FGF12: variants seen among roughly 807,000 people sequenced by gnomAD.
FGF12 encodes the protein fibroblast growth factor 12.
A neutral mutation model predicts 23.6 loss-of-function variants in FGF12; 14 were observed. The ratio of observed to expected loss-of-function variants is 0.59; its 90% CI spans 0.39 to 0.93. The LOEUF (loss-of-function observed/expected upper bound fraction) is 0.93, where lower values mean the gene tolerates loss of function less well. FGF12 is among the 40% of genes least tolerant of loss of function. The pLI is 0.00. For synonymous variants in FGF12, 62 were observed against 77.3 expected, an observed-to-expected ratio of 0.80 and a Z score of 1.04; for missense variants, 175 against 217.8, an observed-to-expected ratio of 0.80 and a Z score of 1.24.
chr3:192,496,073 T>C (rs900705014), intron 2 of FGF12, among the ~76,000 whole-genome samples: 5 of 152,156 alleles, frequency 3.3e-5, no homozygotes, highest in Non-Finnish European at 5.9e-5. Context: ...AGAAACCACA[T>C]GGACTCCAAA....
chr3:192,402,210 A>C (rs7651187), intron 2 of FGF12, among the ~76,000 whole-genome samples: 7,648 of 152,256 alleles, frequency 0.05, 613 homozygotes, highest in African/African-American at 0.17. Context: ...GCAATCATTT[A>C]TGTTTATGGT....
chr3:192,427,161 T>A (rs1721712322), intron 2 of FGF12, among the ~76,000 whole-genome samples: 1 of 151,890 alleles, frequency 6.6e-6, no homozygotes, highest in African/African-American at 2.4e-5. Flanking sequence ...GGCGGGTAGA[T>A]CACGAGGTCA....
intron 2 of FGF12, among the ~76,000 whole-genome samples, chr3:192,565,811 G>C (rs1712250650): frequency 6.6e-6 from 1 of 152,344 alleles, no homozygotes; most frequent in East Asian, 1.9e-4. Context: ...ACTGGGCCGG[G>C]CATGGTGGCT....
intron 2 of FGF12, among the ~76,000 whole-genome samples, chr3:192,597,194 A>T (rs1046132842): frequency 6.6e-6 from 1 of 152,204 alleles, no homozygotes; most frequent in Non-Finnish European, 1.5e-5. Flanking sequence ...GGGCAAAAGG[A>T]TGTGCTAGGA....
chr3:192,646,860 G>A (rs567569451), intron 2 of FGF12, among the ~76,000 whole-genome samples: 10 of 152,044 alleles, frequency 6.6e-5, no homozygotes, highest in African/African-American at 1.9e-4. Context: ...TAAACTTTAC[G>A]GTATGTAAAT....
At chr3:192,580,146 T>C (rs1006037266) in intron 2 of FGF12, among the ~76,000 whole-genome samples, 4 of 152,186 alleles carry the variant, frequency 2.6e-5, no homozygotes, top group Non-Finnish European at 5.9e-5. Context: ...ACATACAACG[T>C]TGTAGCTTAC....
chr3:192,505,460 A>C (rs1419122998), intron 2 of FGF12, among the ~76,000 whole-genome samples: 2 of 152,236 alleles, frequency 1.3e-5, no homozygotes, highest in Non-Finnish European at 2.9e-5. Context: ...AGGAAACAAA[A>C]CATATTAATG....
At chr3:192,567,740 TCTTTC>T (rs1712373021) in intron 2 of FGF12, among the ~76,000 whole-genome samples, 1 of 46,812 alleles carries the variant, frequency 2.1e-5, no homozygotes. Flanking sequence ...TGTGTCTCTT[TCTTTC>T]TTTCTTTCTT....
chr3:192,622,913 A>G (rs999302748), intron 2 of FGF12, among the ~76,000 whole-genome samples: 6 of 152,188 alleles, frequency 3.9e-5, no homozygotes, highest in African/African-American at 1.4e-4. Flanking sequence ...TCCAGGGACC[A>G]CAGAACAATC....
At chr3:192,618,515 GAGTT>G (rs1322606435) in intron 2 of FGF12, among the ~76,000 whole-genome samples, 7 of 152,104 alleles carry the variant, frequency 4.6e-5, no homozygotes, top group Non-Finnish European at 7.4e-5. Context: ...AAGATGAGAA[GAGTT>G]AGTTAATGTA....
At chr3:192,231,898 T>G (rs1328851753) in intron 4 of FGF12, among the ~76,000 whole-genome samples, 2 of 152,172 alleles carry the variant, frequency 1.3e-5, no homozygotes, top group African/African-American at 4.8e-5. Flanking sequence ...TACTGACCAG[T>G]AGGAAACAGA....
At chr3:192,677,854 C>A in intron 2 of FGF12, among the ~76,000 whole-genome samples, 2 of 152,256 alleles carry the variant, frequency 1.3e-5, no homozygotes, top group Admixed American at 1.3e-4. Flanking sequence ...CTGGGGCAGG[C>A]TGACTGAGAA....
At chr3:192,522,200 A>G (rs77641433) in intron 2 of FGF12, among the ~76,000 whole-genome samples, 15 of 145,170 alleles carry the variant, frequency 1.0e-4, no homozygotes, top group Admixed American at 2.0e-4. Flanking sequence ...TCCGTCTCAA[A>G]AAAAAAAAAA....
chr3:192,146,631 T>C (rs558437372), intron 5 of FGF12, among the ~76,000 whole-genome samples: 2 of 152,302 alleles, frequency 1.3e-5, no homozygotes, highest in East Asian at 3.9e-4. Flanking sequence ...TCCTTTTTAG[T>C]TTTTTTATGC....
At chr3:192,460,490 C>T (rs1390113675) in intron 2 of FGF12, among the ~76,000 whole-genome samples, 1 of 152,028 alleles carries the variant, frequency 6.6e-6, no homozygotes, top group Non-Finnish European at 1.5e-5. Flanking sequence ...TGAGAATCAA[C>T]TCTGAAACAA....
intron 2 of FGF12, among the ~76,000 whole-genome samples, chr3:192,473,746 C>T (rs957418096): frequency 2.0e-5 from 3 of 152,180 alleles, no homozygotes; most frequent in African/African-American, 7.2e-5. Context: ...GCTTGGCCAC[C>T]ATGTGATATG....
chr3:192,411,011 G>A (rs1239889225), intron 2 of FGF12, among the ~76,000 whole-genome samples: 1 of 152,120 alleles, frequency 6.6e-6, no homozygotes, highest in African/African-American at 2.4e-5. Context: ...AAGCATCTAG[G>A]ATAGTGCGAA....
intron 4 of FGF12, among the ~76,000 whole-genome samples, chr3:192,280,566 T>C (rs1184665601): frequency 7.2e-5 from 11 of 152,158 alleles, no homozygotes; most frequent in Admixed American, 7.2e-4. Context: ...TCTGACATGA[T>C]TTAGGCACTT....
chr3:192,378,091 TTTCTTCTTTCTTTCC>T (rs1719642830), intron 2 of FGF12, among the ~76,000 whole-genome samples: 3 of 123,236 alleles, frequency 2.4e-5, no homozygotes, highest in South Asian at 2.6e-4. Context: ...TCTTTCTTTC[TTTCTTCTTTCTTTCC>T]TTCTTTCTCT....
Sources: allele counts gnomAD v4.1 joint callset (sites outside exome capture counted in the v4.1 genomes callset), GRCh38; gene constraint gnomAD v4.1.1; transcripts MANE v1.5; gene names NCBI Gene and HGNC (gene_info 2026-07-23, HGNC 2026-07-21).